The following PRR11 variants were observed in gnomAD, a reference collection of about 807,000 sequenced individuals.
The protein encoded by PRR11 is proline rich 11, also known as proline-rich protein 11.
Under a neutral mutation model 45.6 loss-of-function variants are expected in PRR11, and 30 were observed. The ratio of observed to expected loss-of-function variants is 0.66; its 90% CI spans 0.49 to 0.89. PRR11 has a LOEUF of 0.89. Among genes scored for constraint, PRR11 ranks in the 40% least tolerant of loss-of-function variants. The pLI is 0.00. For missense variants in PRR11, 373 were observed against 424.8 expected, an observed-to-expected ratio of 0.88 and a Z score of 1.07; for synonymous variants, 128 against 153.5, an observed-to-expected ratio of 0.83 and a Z score of 1.23.
At chr17:59,170,177 G>A (rs2046700679) in intron 2 of PRR11, among the ~76,000 whole-genome samples, 2 of 150,800 alleles carry the variant, frequency 1.3e-5, no homozygotes, top group Admixed American at 1.3e-4. Context: ...GCTTGAACCA[G>A]AGAGGCAGAG....
chr17:59,181,430 A>G, intron 2 of PRR11: 1 of 949,938 alleles, frequency 1.1e-6, no homozygotes, highest in East Asian at 3.8e-5. Context: ...TATTTTTCCC[A>G]TTGGAAAAGT....
intron 9 of PRR11, 118 bp downstream of exon 9, chr17:59,197,907 C>A: frequency 1.2e-6 from 1 of 849,656 alleles, no homozygotes; most frequent in Non-Finnish European, 1.9e-6. Context: ...ATTGCTTGAG[C>A]CTAGCAGTTC....
At chr17:59,167,057 G>A (rs765564060) in intron 1 of PRR11, among the ~76,000 whole-genome samples, 2 of 152,082 alleles carry the variant, frequency 1.3e-5, no homozygotes, top group African/African-American at 4.8e-5. Flanking sequence ...CCAGCTACTC[G>A]AGAGGCTGAG....
intron 4 of PRR11, among the ~76,000 whole-genome samples, chr17:59,190,626 A>G (rs1445642404): frequency 6.6e-6 from 1 of 152,252 alleles, no homozygotes; most frequent in East Asian, 1.9e-4. Context: ...CCATAAAACC[A>G]GTAAGTCTAG....
chr17:59,182,782 C>T (rs949995939), intron 2 of PRR11, among the ~76,000 whole-genome samples: 2 of 152,160 alleles, frequency 1.3e-5, no homozygotes, highest in Non-Finnish European at 2.9e-5. Context: ...TCCACCACCT[C>T]CTGGAGGGGG....
intron 1 of PRR11, among the ~76,000 whole-genome samples, chr17:59,168,940 G>A (rs1295823759): frequency 2.0e-5 from 3 of 152,088 alleles, no homozygotes; most frequent in South Asian, 2.1e-4. Flanking sequence ...TACCTTGCAG[G>A]ATAGTAAGGG....
chr17:59,201,018 G>T (rs1259005935), intron 9 of PRR11, among the ~76,000 whole-genome samples: 1 of 151,796 alleles, frequency 6.6e-6, no homozygotes, highest in Admixed American at 6.6e-5. Flanking sequence ...GTTCTTTAGT[G>T]GTGATTTCTG....
At chr17:59,193,429 C>G in intron 4 of PRR11, 63 bp from the exon 5 acceptor site, 24 of 1,579,034 alleles carry the variant, frequency 1.5e-5, no homozygotes, top group Non-Finnish European at 1.9e-5. Flanking sequence ...ATTTTGATGA[C>G]TCTCACCCTC....
At chr17:59,185,991 G>A (rs2046812045) in intron 4 of PRR11, among the ~76,000 whole-genome samples, 1 of 152,204 alleles carries the variant, frequency 6.6e-6, no homozygotes, top group South Asian at 2.1e-4. Context: ...TGGAGGGTCT[G>A]TGTCTGGCTT....
chr17:59,183,706 T>C (rs569040692), intron 2 of PRR11, among the ~76,000 whole-genome samples: 51 of 152,324 alleles, frequency 3.3e-4, no homozygotes, highest in African/African-American at 1.2e-3. Context: ...CTAGTCTATA[T>C]ATTAAGTTTT....
intron 1 of PRR11, among the ~76,000 whole-genome samples, chr17:59,162,101 A>C (rs2046655376): frequency 6.6e-6 from 1 of 152,126 alleles, no homozygotes; most frequent in African/African-American, 2.4e-5. Context: ...ATTATCTCAG[A>C]CTGCATCTTT....
intron 2 of PRR11, among the ~76,000 whole-genome samples, chr17:59,171,087 G>A (rs1288072218): frequency 2.0e-5 from 3 of 151,878 alleles, no homozygotes; most frequent in Middle Eastern, 3.4e-3. Flanking sequence ...GTGAAACCCC[G>A]TCTCTACTAA....
At position 59,205,495 on chromosome 17, in the gene PRR11, A is replaced by G. The variant is rs965226485; in HGVS notation, c.*3864A>G. ...GGCAGGCAGATCACCTGAGGTCAAGAGTTCGAGACCAGTCTGGCCAACATG... is the reference window on the plus strand; with the variant it reads ...GGCAGGCAGATCACCTGAGGTCAAGGGTTCGAGACCAGTCTGGCCAACATG... On this transcript the variant is annotated 3_prime_UTR_variant, in exon 10 of 10. Transcript: ENST00000262293. Among the ~76,000 whole-genome samples the G allele has an allele frequency of 6.6e-6, 1 of 150,492 alleles. No homozygotes were observed. The highest frequency in any genetic ancestry group is 1.5e-5 in the Non-Finnish European group (1 of 67,732).
At chr17:59,184,367 C>A (rs1316851942) in intron 2 of PRR11, among the ~76,000 whole-genome samples, 1 of 152,128 alleles carries the variant, frequency 6.6e-6, no homozygotes, top group East Asian at 1.9e-4. Flanking sequence ...GGAGCGGGGA[C>A]TGGAGAATCA....
At chr17:59,186,779 A>G (rs967912152) in intron 4 of PRR11, among the ~76,000 whole-genome samples, 2 of 152,178 alleles carry the variant, frequency 1.3e-5, no homozygotes, top group Non-Finnish European at 2.9e-5. Context: ...TTGCTCAAAT[A>G]TCAGGAAAAG....
chr17:59,191,137 C>T (rs2046838920), intron 4 of PRR11, among the ~76,000 whole-genome samples: 3 of 152,142 alleles, frequency 2.0e-5, no homozygotes, highest in African/African-American at 7.2e-5. Context: ...TGCATGATTT[C>T]TCCAGCAATG....
At chr17:59,173,254 G>A (rs1482509182) in intron 2 of PRR11, among the ~76,000 whole-genome samples, 5 of 151,862 alleles carry the variant, frequency 3.3e-5, no homozygotes, top group Non-Finnish European at 5.9e-5. Context: ...CAGACCAATC[G>A]GCTCTCTGTA....
intron 1 of PRR11, among the ~76,000 whole-genome samples, chr17:59,158,911 C>T (rs1449468078): frequency 1.3e-5 from 2 of 152,336 alleles, no homozygotes; most frequent in South Asian, 4.1e-4. Flanking sequence ...ACCTCCACCT[C>T]CTAGATTCAA....
chr17:59,159,484 G>A (rs2046641370), intron 1 of PRR11, among the ~76,000 whole-genome samples: 1 of 152,144 alleles, frequency 6.6e-6, no homozygotes, highest in Admixed American at 6.6e-5. Context: ...AGTTGCAGTA[G>A]GTTTGTAAGT....
Sources: gnomAD v4.1 joint callset for allele counts (sites outside exome capture counted in the v4.1 genomes callset) on GRCh38, gnomAD v4.1.1 for gene constraint, MANE v1.5 for transcripts, NCBI Gene and HGNC (gene_info 2026-07-23, HGNC 2026-07-21) for gene names.